FHOD3: variants seen among roughly 807,000 people sequenced by gnomAD.
FHOD3 encodes formin homology 2 domain containing 3, also known as FH1/FH2 domain-containing protein 3.
Under a neutral mutation model 173.0 loss-of-function variants are expected in FHOD3, and 90 were observed. The ratio of observed to expected loss-of-function variants is 0.52; its 90% confidence interval spans 0.44 to 0.62. FHOD3 has a LOEUF of 0.62. Ranked by LOEUF, FHOD3 falls within the 20% of genes least tolerant of loss-of-function variation. FHOD3 has a pLI of 0.00. For missense variants in FHOD3, 1,945 were observed against 2,034.7 expected (o/e 0.96, Z 0.85); for synonymous variants, 828 against 823.0 (o/e 1.01, Z -0.10).
intron 3 of FHOD3, among the ~76,000 whole-genome samples, chr18:36,464,282 T>G (rs2052770758): frequency 6.6e-6 from 1 of 152,252 alleles, no homozygotes; most frequent in African/African-American, 2.4e-5. Flanking sequence ...ACAAGTCAGT[T>G]AGAGCAATAA....
chr18:36,662,993 A>T (rs773284130), intron 14 of FHOD3, among the ~76,000 whole-genome samples: 1 of 152,180 alleles, frequency 6.6e-6, no homozygotes, highest in Non-Finnish European at 1.5e-5. Context: ...ATAAACTGTG[A>T]TAAGAGTAGC....
At chr18:36,734,388 C>A (rs113328058) in intron 20 of FHOD3, among the ~76,000 whole-genome samples, 115 of 152,246 alleles carry the variant, frequency 7.6e-4, no homozygotes, top group African/African-American at 2.7e-3. Context: ...ACCCTCCCCC[C>A]ACAACCAAAA....
At chr18:36,750,012 G>A (rs935180256) in intron 24 of FHOD3, among the ~76,000 whole-genome samples, 10 of 152,016 alleles carry the variant, frequency 6.6e-5, no homozygotes, top group African/African-American at 2.2e-4. Context: ...GTTCGGGGCC[G>A]GGCATGGTGG....
chr18:36,698,298 C>A (rs2039398662), intron 17 of FHOD3, among the ~76,000 whole-genome samples: 1 of 152,212 alleles, frequency 6.6e-6, no homozygotes, highest in South Asian at 2.1e-4. Flanking sequence ...TTCTGCCTTG[C>A]CATTTCTCAG....
chr18:36,688,105 G>A (rs913590494), intron 16 of FHOD3, among the ~76,000 whole-genome samples: 1 of 152,208 alleles, frequency 6.6e-6, no homozygotes, highest in Non-Finnish European at 1.5e-5. Flanking sequence ...ATACAAAGAT[G>A]TTCAGTGTCT....
intron 5 of FHOD3, among the ~76,000 whole-genome samples, chr18:36,573,555 A>C (rs2058535442): frequency 6.6e-6 from 1 of 152,168 alleles, no homozygotes; most frequent in African/African-American, 2.4e-5. Flanking sequence ...GCAGTGAGCC[A>C]TGATGGCACC....
At chr18:36,401,614 C>T (rs1460928431) in intron 3 of FHOD3, among the ~76,000 whole-genome samples, 3 of 152,170 alleles carry the variant, frequency 2.0e-5, no homozygotes, top group Non-Finnish European at 4.4e-5. Context: ...GGTTGGGTTA[C>T]TGCACCTCTC....
rs540453049 is a variant in FHOD3, at chr18:36,540,797, A to G, written c.511+28254A>G. ...TCTGGCATCTCTGCTTCCAGGGCCT[A>G]TGTTGTGGGGCAGGGCACACCTAAT... On this transcript the variant is annotated intron_variant, in intron 5 of 28. Coordinates refer to ENST00000590592, the MANE Select transcript of FHOD3 (RefSeq NM_001281740.3). 3.3e-5 allele frequency among the ~76,000 whole-genome samples: 5 copies of G among 152,268 alleles called. No homozygotes were observed. The South Asian group carries it at 8.3e-4, about 25-fold the overall frequency.
intron 3 of FHOD3, 35 bp from the exon 4 acceptor site, chr18:36,501,897 T>A: frequency 2.1e-6 from 3 of 1,431,942 alleles, no homozygotes; most frequent in Non-Finnish European, 2.9e-6. Flanking sequence ...ATAGAGTCAG[T>A]TTAATTAATT....
intron 1 of FHOD3, among the ~76,000 whole-genome samples, chr18:36,342,067 A>G (rs1330900999): frequency 2.6e-5 from 4 of 152,242 alleles, no homozygotes; most frequent in African/African-American, 9.6e-5. Flanking sequence ...AATTTTAGAA[A>G]TGACAAATAC....
At chr18:36,603,893 G>A (rs562577374) in intron 8 of FHOD3, among the ~76,000 whole-genome samples, 52 of 152,316 alleles carry the variant, frequency 3.4e-4, no homozygotes, top group African/African-American at 6.7e-4. Context: ...AGGAAGACAC[G>A]AGGTGCACGT....
At chr18:36,705,211 G>A (rs911855195) in intron 17 of FHOD3, among the ~76,000 whole-genome samples, 4 of 152,132 alleles carry the variant, frequency 2.6e-5, no homozygotes, top group South Asian at 4.1e-4. Flanking sequence ...CACAGCGCTG[G>A]TTGCCCTGGC....
Position 36,567,432 on chromosome 18 carries a change from A to G in FHOD3, c.512-9019A>G, listed in dbSNP as rs539080313. On this transcript the variant is annotated intron_variant, in intron 5 of 28. Coordinates refer to ENST00000590592, the MANE Select transcript of FHOD3 (RefSeq NM_001281740.3). ...CTTCCACATCGCTGTTAGATTTCTT[A>G]TTGTAAAAACAGAGCAAGGAGGAGT... Among the ~76,000 whole-genome samples the G allele has an allele frequency of 2.6e-5, 4 of 152,302 alleles. No homozygotes were observed. The East Asian group carries it at 7.7e-4, about 29-fold the overall frequency.
chr18:36,488,197 A>G (rs2054286140), intron 3 of FHOD3, among the ~76,000 whole-genome samples: 1 of 152,208 alleles, frequency 6.6e-6, no homozygotes, highest in Non-Finnish European at 1.5e-5. Flanking sequence ...TGAACTGCTG[A>G]GTTTTATCAT....
At chr18:36,587,063 G>C (rs769609929) in intron 6 of FHOD3, among the ~76,000 whole-genome samples, 2 of 152,168 alleles carry the variant, frequency 1.3e-5, no homozygotes, top group Non-Finnish European at 2.9e-5. Context: ...GTTCGAGAGA[G>C]TGGGGAAGTC....
chr18:36,462,767 CGT>C (rs1339031239), intron 3 of FHOD3, among the ~76,000 whole-genome samples: 1 of 152,140 alleles, frequency 6.6e-6, no homozygotes, highest in Non-Finnish European at 1.5e-5. Flanking sequence ...TAGGGCTACT[CGT>C]GTGTGCCACT....
chr18:36,592,477 G>C (rs561175494), intron 6 of FHOD3, among the ~76,000 whole-genome samples: 2 of 152,344 alleles, frequency 1.3e-5, no homozygotes, highest in African/African-American at 4.8e-5. Flanking sequence ...GGCCGGAGAG[G>C]GGGTGTCAAG....
At chr18:36,732,918 G>A (rs546867035) in intron 20 of FHOD3, among the ~76,000 whole-genome samples, 27 of 152,288 alleles carry the variant, frequency 1.8e-4, no homozygotes, top group Non-Finnish European at 2.5e-4. Context: ...CTGTCAGTGC[G>A]GCTAAGGGGC....
Position 36,779,658 on chromosome 18 carries a change from C to A in FHOD3, c.*128C>A. 2 of 771,992 alleles carry A rather than the reference C, an allele frequency of 2.6e-6. No homozygotes were observed. Among genetic ancestry groups the A allele is most frequent in the South Asian group, 1.6e-5 (1 of 60,824 alleles). 47.8% of individuals were successfully genotyped at this position (771,992 alleles called of 1,614,324 possible). A position where few individuals can be genotyped will look rare whatever the true frequency, so the allele number is the denominator to read the frequency against. ...AGTTTGAAAAGGGAGAGCTCAATTC[C>A]CAGCGTCACCCCATGGCTTGTGTTG... On this transcript the variant is annotated 3_prime_UTR_variant, in exon 29 of 29. Transcript: ENST00000590592.
Sources: gnomAD v4.1 joint callset for allele counts (sites outside exome capture counted in the v4.1 genomes callset) on GRCh38, gnomAD v4.1.1 for gene constraint, MANE v1.5 for transcripts, NCBI Gene and HGNC (gene_info 2026-07-23, HGNC 2026-07-21) for gene names.